The following LIG3 variants were observed in gnomAD, a reference collection of about 807,000 sequenced individuals.
The protein encoded by LIG3 is ligase II, DNA, ATP-dependent.
LIG3 carries 58 observed loss-of-function variants against 110.9 expected under a neutral mutation model. The observed-to-expected ratio is 0.52, with a 90% CI of 0.42 to 0.65. LIG3 has a LOEUF of 0.65. LIG3 is among the 30% of genes least tolerant of loss of function. The pLI, the probability that LIG3 is intolerant of heterozygous loss-of-function variation, is 0.00. For missense variants in LIG3, 1,094 were observed against 1,273.8 expected (o/e 0.86, Z 2.15); for synonymous variants, 422 against 472.8 (o/e 0.89, Z 1.39).
At position 35,005,295 on chromosome 17, in the gene LIG3, C is replaced by G; in HGVS notation, c.*789C>G. On this transcript the variant is annotated 3_prime_UTR_variant, in exon 20 of 20. Transcript: ENST00000378526. ...AGGCCAAGAACAGCCCTTGTTGCCACCAACATGGAGACTTTGTACCATATC... is the reference window on the plus strand; with the variant it reads ...AGGCCAAGAACAGCCCTTGTTGCCAGCAACATGGAGACTTTGTACCATATC... 1 of 539,534 alleles carries G rather than the reference C, an allele frequency of 1.9e-6. No individual in the cohort carries two copies. Among genetic ancestry groups the G allele is most frequent in the South Asian group, 1.4e-5 (1 of 72,064 alleles). 33.4% of individuals were successfully genotyped at this position (539,534 alleles called of 1,614,324 possible).
At chr17:34,999,574 G>C in intron 15 of LIG3, 125 bp downstream of exon 15, 1 of 1,316,438 alleles carries the variant, frequency 7.6e-7, no homozygotes, top group South Asian at 1.4e-5. Context: ...TTGCTCAGGG[G>C]AGCAGGATTA....
chr17:35,003,321 A>G (rs897544020), intron 19 of LIG3: 3 of 539,004 alleles, frequency 5.6e-6, no homozygotes, highest in South Asian at 2.4e-5. Context: ...TTTTTTTGAG[A>G]TAAGTCTCGC....
intron 18 of LIG3, among the ~76,000 whole-genome samples, 162 bp from the exon 19 acceptor site, chr17:35,002,506 T>C (rs1220431711): frequency 6.6e-6 from 1 of 152,216 alleles, no homozygotes; most frequent in African/African-American, 2.4e-5. Flanking sequence ...TTTTGTATCA[T>C]ATGTTTTTTA....
Position 34,999,334 on chromosome 17 carries a change from G to T in LIG3, c.2141G>T (p.Gly714Val). 6.2e-7 allele frequency: 1 copy of T among 1,613,604 alleles called. No homozygotes were observed. Among genetic ancestry groups the T allele is most frequent in the Non-Finnish European group, 8.5e-7 (1 of 1,179,702 alleles). ...GGCATGATGTCAATCTTCCTCATGG[G>T]CTGCTACGACCCTGGCAGCCAGAAG... ...KGGMMSIFLM[G>V]CYDPGSQKWC... Residue 714 changes from glycine (G) to valine (V), a missense_variant, in exon 15 of 20, where the codon GGC becomes GTC. Gly to Val is a moderately radical substitution (Grantham distance 109). Coordinates refer to ENST00000378526, the MANE Select transcript of LIG3 (RefSeq NM_013975.4).
At position 34,992,435 on chromosome 17, in the gene LIG3, T is replaced by C. The variant is rs540379469; in HGVS notation, c.1287-89T>C. 1.2e-4 allele frequency: 156 copies of C among 1,326,324 alleles called. No individual in the cohort carries two copies. The African/African-American group carries it at 2.1e-3, about 18-fold the overall frequency. 82.2% of individuals were successfully genotyped at this position (1,326,324 alleles called of 1,614,324 possible). A position where few individuals can be genotyped will look rare whatever the true frequency, so the allele number is the denominator to read the frequency against. ...ACAACCCCTTCCCTACAGATGAGGA[T>C]TTCTTCTGTGAGGACAGATTGCTGT... On this transcript the variant is annotated intron_variant, in intron 7 of 19. Coordinates refer to ENST00000378526, the MANE Select transcript of LIG3 (RefSeq NM_013975.4).
rs1186540321 is a variant in LIG3, at chr17:35,002,783, A to G, written c.2790A>G (p.Gln930=). The part of the protein sequence containing the change: ...KRKAADETLC[Q]TKVLLDIFTG... ...AAGCTGCTGATGAGACGCTGTGCCA[A>G]ACAAAGGTGAGGGTAAAAACAGCAA... The change falls in exon 19 of 20, where the codon CAA becomes CAG. Residue 930 remains glutamine (Q), a synonymous_variant. Transcript: ENST00000378526. 6.3e-7 allele frequency: 1 copy of G among 1,598,880 alleles called. No individual in the cohort carries two copies. The highest frequency in any genetic ancestry group is 8.5e-7 in the Non-Finnish European group (1 of 1,170,952).
intron 4 of LIG3, 91 bp from the exon 5 acceptor site, chr17:34,990,872 C>T (rs1259752587): frequency 7.9e-7 from 1 of 1,264,810 alleles, no homozygotes; most frequent in Non-Finnish European, 1.1e-6. Flanking sequence ...GCTGAGATTA[C>T]AGGTGTGAGC....
intron 14 of LIG3, chr17:34,999,062 A>C: frequency 3.8e-6 from 2 of 527,600 alleles, no homozygotes; most frequent in East Asian, 3.0e-5. Flanking sequence ...TAAGCAATCT[A>C]TCATGTGTCC....
chr17:34,997,933 C>G (rs952994782), intron 12 of LIG3, 108 bp downstream of exon 12: 55 of 849,142 alleles, frequency 6.5e-5, no homozygotes, highest in Non-Finnish European at 1.0e-4. Flanking sequence ...TCTTATGGAG[C>G]CTCCTGATAA....
chr17:34,996,365 A>G (rs1459997090), intron 10 of LIG3, 170 bp downstream of exon 10: 2 of 903,934 alleles, frequency 2.2e-6, no homozygotes, highest in Non-Finnish European at 3.3e-6. Context: ...TCTCCTAAAA[A>G]GGGGCTGGTA....
In LIG3 at chr17:34,980,568, G is replaced by T. The variant is rs1392907356; in HGVS notation, c.-59G>T. On this transcript the variant is annotated 5_prime_UTR_variant, in exon 1 of 20. Coordinates refer to ENST00000378526, the MANE Select transcript of LIG3 (RefSeq NM_013975.4). Reference sequence around the variant, plus strand: ...CTCCAACCGTCGTGGGCTGCCCGCGGCCTGTAATGAGCAAGTTCCGAGGCC... The same window carrying T: ...CTCCAACCGTCGTGGGCTGCCCGCGTCCTGTAATGAGCAAGTTCCGAGGCC... 7.8e-6 allele frequency: 10 copies of T among 1,287,444 alleles called. No individual in the cohort carries two copies. Among genetic ancestry groups the T allele is most frequent in the South Asian group, 1.2e-5 (1 of 80,616 alleles). 79.8% of individuals were successfully genotyped at this position (1,287,444 alleles called of 1,614,324 possible).
intron 19 of LIG3, chr17:35,003,190 C>T: frequency 6.7e-7 from 1 of 1,499,284 alleles, no homozygotes; most frequent in Non-Finnish European, 9.0e-7. Context: ...GCAGGTCCAG[C>T]AAGCAGCGAG....
rs559911220 is a variant in LIG3 at position 34,992,940 on chromosome 17, T to A, written c.1455+248T>A. ...CACCAAGATGCTGTAGAATCTTAGATGAGTGACTTGCCTCTCTTGTCCTTC... is the reference window on the plus strand; with the variant it reads ...CACCAAGATGCTGTAGAATCTTAGAAGAGTGACTTGCCTCTCTTGTCCTTC... On this transcript the variant is annotated intron_variant, in intron 8 of 19. Transcript: ENST00000378526. Among the ~76,000 whole-genome samples the A allele has an allele frequency of 1.3e-3, 204 of 152,292 alleles. 1 individual carries two copies. The highest frequency in any genetic ancestry group is 2.4e-3 in the Non-Finnish European group (162 of 68,000).
At chr17:35,010,164 T>C (rs2090927408), downstream of LIG3, 2 of 152,354 alleles carry the variant, frequency 1.3e-5, no homozygotes, top group South Asian at 4.1e-4. Context: ...ACCAATGTAA[T>C]AAGTCCCTTT....
intron 17 of LIG3, 130 bp from the exon 18 acceptor site, chr17:35,001,779 C>G (rs749461228): frequency 2.5e-6 from 2 of 804,970 alleles, no homozygotes; most frequent in Non-Finnish European, 3.9e-6. Context: ...GGAGCCAACT[C>G]CTTTTCCTTG....
At position 34,996,687 on chromosome 17, in the gene LIG3, G is replaced by C. The variant is rs753194877; in HGVS notation, c.1823+34G>C. 8 of 1,551,130 alleles carry C rather than the reference G, an allele frequency of 5.2e-6. No homozygotes were observed. In the East Asian group the frequency reaches 1.1e-4, roughly 22 times the overall value. On this transcript the variant is annotated intron_variant, in intron 11 of 19. Coordinates refer to ENST00000378526, the MANE Select transcript of LIG3 (RefSeq NM_013975.4). ...GCTAGCATCTTTAAACCCAGAAACT[G>C]CCAGGAATCTGTTTTCATTTCCTGG...
At position 34,996,729 on chromosome 17, in the gene LIG3, C is replaced by T. The variant is rs898664296; in HGVS notation, c.1823+76C>T. The T allele has an allele frequency of 3.6e-5, 46 of 1,295,392 alleles. No individual in the cohort carries two copies. The Middle Eastern group carries it at 7.4e-4, about 21-fold the overall frequency. 80.2% of individuals were successfully genotyped at this position (1,295,392 alleles called of 1,614,324 possible). ...ATTTCCTGGGTGAGGAAGATGGGGGCTTCAGGTTGGAAAGGAGGGTACAGG... is the reference window on the plus strand; with the variant it reads ...ATTTCCTGGGTGAGGAAGATGGGGGTTTCAGGTTGGAAAGGAGGGTACAGG... On this transcript the variant is annotated intron_variant, in intron 11 of 19. Transcript: ENST00000378526.
chr17:35,001,776 A>C, intron 17 of LIG3, 133 bp from the exon 18 acceptor site: 4 of 779,434 alleles, frequency 5.1e-6, no homozygotes, highest in Non-Finnish European at 8.1e-6. Flanking sequence ...AAGGGAGCCA[A>C]CTCCTTTTCC....
rs1220092251 is a variant in LIG3, at chr17:34,989,490, C to G, written c.716C>G (p.Ala239Gly). Residue 239 changes from alanine (A) to glycine (G), a missense_variant, in exon 4 of 20, where the codon GCC becomes GGC. Ala to Gly is a moderately conservative substitution (Grantham distance 60). Transcript: ENST00000378526. ...GCCAAGCCCAACAACTCTGGGGAAG[C>G]CCCCTCGAGCCCCACCCCTAAGAGA... ...FSAKPNNSGE[A>G]PSSPTPKRSL... is the part of the protein sequence containing the mutation. 13 of 1,613,888 alleles carry G rather than the reference C, an allele frequency of 8.1e-6. No homozygotes were observed. Among genetic ancestry groups the G allele is most frequent in the Non-Finnish European group, 1.1e-5 (13 of 1,179,986 alleles).
Sources: gnomAD v4.1 joint callset for allele counts (sites outside exome capture counted in the v4.1 genomes callset) on GRCh38, gnomAD v4.1.1 for gene constraint, MANE v1.5 for transcripts, NCBI Gene and HGNC (gene_info 2026-07-23, HGNC 2026-07-21) for gene names.